The following NT5DC1 variants were observed in gnomAD, a reference collection of about 807,000 sequenced individuals.
NT5DC1 encodes 5'-nucleotidase domain containing 1, also known as 5'-nucleotidase domain-containing protein 1.
In NT5DC1, 42 loss-of-function variants were observed where a neutral mutation model predicts 59.4. The observed-to-expected ratio is 0.71, with a 90% CI of 0.55 to 0.92. The LOEUF (loss-of-function observed/expected upper bound fraction) is 0.92, where lower values mean the gene tolerates loss of function less well. Among genes scored for constraint, NT5DC1 ranks in the 40% least tolerant of loss-of-function variants. The pLI, the probability that NT5DC1 is intolerant of heterozygous loss-of-function variation, is 0.00. For missense variants in NT5DC1, 501 were observed against 537.1 expected (o/e 0.93, Z 0.66); for synonymous variants, 172 against 188.1 (o/e 0.91, Z 0.70).
intron 6 of NT5DC1, among the ~76,000 whole-genome samples, chr6:116,201,419 G>T (rs893854630): frequency 2.0e-5 from 3 of 151,958 alleles, no homozygotes; most frequent in African/African-American, 7.2e-5. Context: ...AATCACTCCA[G>T]TATATAGAGT....
intron 6 of NT5DC1, 23 bp from the exon 7 acceptor site, chr6:116,221,031 T>G: frequency 1.7e-6 from 2 of 1,157,288 alleles, no homozygotes; most frequent in Non-Finnish European, 2.5e-6. Flanking sequence ...AAGAAAAACC[T>G]CATTGATATT....
In NT5DC1 at chr6:116,237,033, T is replaced by A. The variant is rs771506327; in HGVS notation, c.870T>A (p.Ala290=). ...DKPGWYSQGN[A]VHLYELLKKM... ...CTGGCTGGTACTCCCAAGGGAACGC[T>A]GTCCACCTCTATGAACTTCTGAAGA... The change falls in exon 9 of 12, where the codon GCT becomes GCA. Residue 290 remains alanine, a synonymous_variant. Coordinates refer to ENST00000319550, the MANE Select transcript of NT5DC1 (RefSeq NM_152729.3). 8 of 1,613,466 alleles carry A rather than the reference T, an allele frequency of 5.0e-6. No individual in the cohort carries two copies. The highest frequency in any genetic ancestry group is 1.6e-4 in the Middle Eastern group (1 of 6,062).
intron 6 of NT5DC1, among the ~76,000 whole-genome samples, chr6:116,152,806 T>G (rs1045543280): frequency 1.3e-5 from 2 of 152,164 alleles, no homozygotes; most frequent in Admixed American, 1.3e-4. Context: ...CTTGATAAGG[T>G]CAACCAGAAA....
chr6:116,115,908 A>G (rs973633970), intron 5 of NT5DC1, 138 bp downstream of exon 5: 5 of 431,146 alleles, frequency 1.2e-5, no homozygotes, highest in Non-Finnish European at 2.1e-5. Flanking sequence ...AAAGAAAAAC[A>G]TGGTGAATTT....
rs1046568654 is a variant in NT5DC1, at chr6:116,245,877, A to G, written c.*1853A>G. 2 of 152,060 alleles carry G rather than the reference A, an allele frequency of 1.3e-5. No homozygotes were observed. The highest frequency in any genetic ancestry group is 4.8e-5 in the African/African-American group (2 of 41,410). 9.4% of individuals were successfully genotyped at this position (152,060 alleles called of 1,614,324 possible). A position where few individuals can be genotyped will look rare whatever the true frequency, so the allele number is the denominator to read the frequency against. On this transcript the variant is annotated 3_prime_UTR_variant, in exon 12 of 12. Transcript: ENST00000319550. ...TAGTATTCCCTTTATCATTCCACCT[A>G]AAGACCCTGAACAAGTTACCACCAA...
Position 116,244,957 on chromosome 6 carries a change from C to G in NT5DC1, c.*933C>G, listed in dbSNP as rs1257849187. On this transcript the variant is annotated 3_prime_UTR_variant, in exon 12 of 12. Transcript: ENST00000319550. ...AATATTAGATATGGCTTGTGGACTTCCAATATCATCCTATCCAACAAAATC... is the reference window on the plus strand; with the variant it reads ...AATATTAGATATGGCTTGTGGACTTGCAATATCATCCTATCCAACAAAATC... 6.6e-6 allele frequency: 1 copy of G among 152,018 alleles called. No homozygotes were observed. The highest frequency in any genetic ancestry group is 1.5e-5 in the Non-Finnish European group (1 of 67,966). 9.4% of individuals were successfully genotyped at this position (152,018 alleles called of 1,614,324 possible).
chr6:116,112,792 G>T (rs1778904665), intron 4 of NT5DC1, among the ~76,000 whole-genome samples: 1 of 152,184 alleles, frequency 6.6e-6, no homozygotes, highest in Admixed American at 6.5e-5. Context: ...TTGCTCTAAA[G>T]ATATACAGGT....
chr6:116,188,160 C>T (rs1202421974), intron 6 of NT5DC1, among the ~76,000 whole-genome samples: 2 of 151,956 alleles, frequency 1.3e-5, no homozygotes, highest in Non-Finnish European at 2.9e-5. Context: ...AGATATCCAT[C>T]AGAATAGTTG....
chr6:116,231,147 A>AACCC (rs899675633), intron 8 of NT5DC1, among the ~76,000 whole-genome samples: 28 of 56,074 alleles, frequency 5.0e-4, no homozygotes, highest in African/African-American at 2.9e-3. Context: ...TGAATGGTAA[A>AACCC]TCCCCCCCCC....
intron 6 of NT5DC1, among the ~76,000 whole-genome samples, chr6:116,166,369 G>T (rs1056629425): frequency 3.3e-5 from 5 of 152,120 alleles, no homozygotes; most frequent in Non-Finnish European, 7.3e-5. Context: ...TTTGATACAT[G>T]GTGGTTGGAT....
intron 6 of NT5DC1, among the ~76,000 whole-genome samples, chr6:116,144,469 C>A (rs1779846545): frequency 6.6e-6 from 1 of 151,440 alleles, no homozygotes; most frequent in Non-Finnish European, 1.5e-5. Flanking sequence ...CCACTGCACT[C>A]CAGCCTGATG....
chr6:116,119,975 A>G (rs1474908186), intron 6 of NT5DC1: 2 of 1,096,314 alleles, frequency 1.8e-6, no homozygotes, highest in African/African-American at 1.6e-5. Flanking sequence ...AATAAAAATT[A>G]CATTCTTTTC....
Position 116,243,977 on chromosome 6 carries a change from A to C in NT5DC1, c.1321A>C (p.Asn441His), listed in dbSNP as rs376867677. ...SNSKTAGYYPNPPLVLSSDET... is the reference protein window; with the variant it reads ...SNSKTAGYYPHPPLVLSSDET... ...TTCAAAAACAGCTGGCTACTATCCA[A>C]ATCCTCCACTGGTCTTATCAAGTGA... is the stretch of plus-strand genomic sequence containing the variant. The change falls in exon 12 of 12, where the codon AAT (asparagine) becomes CAT (histidine). Residue 441 changes from asparagine to histidine, a missense_variant. Coordinates refer to ENST00000319550, the MANE Select transcript of NT5DC1 (RefSeq NM_152729.3). The C allele has an allele frequency of 3.2e-6, 5 of 1,571,988 alleles. No individual in the cohort carries two copies. Among genetic ancestry groups the C allele is most frequent in the East Asian group, 4.5e-5 (2 of 44,482 alleles).
At chr6:116,120,495 T>C (rs746900204) in intron 6 of NT5DC1, 2 of 1,614,212 alleles carry the variant, frequency 1.2e-6, no homozygotes, top group Non-Finnish European at 1.7e-6. Context: ...TGGTTGGCAC[T>C]AACAAGAGGG....
intron 6 of NT5DC1, among the ~76,000 whole-genome samples, chr6:116,144,431 G>A (rs902380259): frequency 6.7e-6 from 1 of 148,678 alleles, no homozygotes; most frequent in Non-Finnish European, 1.5e-5. Context: ...AACCCAGGAG[G>A]CAGAGGTTGC....
intron 6 of NT5DC1, among the ~76,000 whole-genome samples, chr6:116,132,709 G>A (rs908705398): frequency 2.6e-5 from 4 of 152,046 alleles, no homozygotes; most frequent in Non-Finnish European, 4.4e-5. Context: ...AAACACCAGC[G>A]ACTGGGCTAA....
chr6:116,208,458 T>C (rs941325161), intron 6 of NT5DC1, among the ~76,000 whole-genome samples: 2 of 152,070 alleles, frequency 1.3e-5, no homozygotes, highest in African/African-American at 4.8e-5. Flanking sequence ...GTCCCAGGTT[T>C]TACCTGGAGG....
At position 116,185,331 on chromosome 6, in the gene NT5DC1, A is replaced by G. The variant is rs117620011; in HGVS notation, c.530-35723A>G. Among the ~76,000 whole-genome samples, 934 of 152,180 alleles carry G rather than the reference A, an allele frequency of 6.1e-3. 9 individuals are homozygous for G. The highest frequency in any genetic ancestry group is 0.01 in the Non-Finnish European group (686 of 67,978). On this transcript the variant is annotated intron_variant, in intron 6 of 11. Transcript: ENST00000319550. Reference sequence around the variant, plus strand: ...CCATGTGCTGATGAAAAGAATGTCTATTCTGCAGTTGTTGGGTAGAAAGTT... The same window carrying G: ...CCATGTGCTGATGAAAAGAATGTCTGTTCTGCAGTTGTTGGGTAGAAAGTT...
At chr6:116,240,341 A>T (rs1582888653) in intron 11 of NT5DC1, among the ~76,000 whole-genome samples, 2 of 152,372 alleles carry the variant, frequency 1.3e-5, no homozygotes, top group Non-Finnish European at 2.9e-5. Context: ...ACAAATTTTT[A>T]AAAATATAGT....
Sources: gnomAD v4.1 joint callset for allele counts (sites outside exome capture counted in the v4.1 genomes callset) on GRCh38, gnomAD v4.1.1 for gene constraint, MANE v1.5 for transcripts, NCBI Gene and HGNC (gene_info 2026-07-23, HGNC 2026-07-21) for gene names.